Variants in CEP104 observed in about 807,000 individuals in gnomAD.
CEP104 encodes centrosomal protein of 104 kDa.
In CEP104, 84 loss-of-function variants were observed where a neutral mutation model predicts 113.3. The ratio of observed to expected loss-of-function variants is 0.74; its 90% CI spans 0.62 to 0.89. The LOEUF is 0.89. CEP104 is among the 40% of genes least tolerant of loss of function. The pLI is 0.00. For synonymous variants in CEP104, 378 were observed against 421.7 expected (o/e 0.90, Z 1.27); for missense variants, 1,053 against 1,156.6 (o/e 0.91, Z 1.30).
chr1:3,839,823 A>G, intron 6 of CEP104, 47 bp from the exon 7 acceptor site: 2 of 1,510,086 alleles, frequency 1.3e-6, no homozygotes, highest in Non-Finnish European at 1.8e-6. Flanking sequence ...ACGCCCTAGG[A>G]GTTCAGTGCT....
chr1:3,852,063 T>C (rs1644621337), intron 2 of CEP104, among the ~76,000 whole-genome samples: 1 of 152,136 alleles, frequency 6.6e-6, no homozygotes, highest in Non-Finnish European at 1.5e-5. Context: ...CTCCTCCACA[T>C]TTGCACATCT....
chr1:3,827,244 G>A (rs1367736820), intron 15 of CEP104, among the ~76,000 whole-genome samples: 1 of 152,042 alleles, frequency 6.6e-6, no homozygotes, highest in East Asian at 1.9e-4. Context: ...TTTTAGACAG[G>A]GTCTCACTCT....
At chr1:3,853,602 G>A (rs144723257) in intron 1 of CEP104, among the ~76,000 whole-genome samples, 1 of 152,200 alleles carries the variant, frequency 6.6e-6, no homozygotes, top group African/African-American at 2.4e-5. Context: ...AATTCGAAGA[G>A]GACCACTTCA....
chr1:3,818,265 A>G (rs192705357), intron 20 of CEP104, among the ~76,000 whole-genome samples: 1 of 152,304 alleles, frequency 6.6e-6, no homozygotes, highest in Admixed American at 6.5e-5. Context: ...TGCTCCCAGT[A>G]TCATGACCTT....
chr1:3,844,624 G>C (rs1376467763), intron 6 of CEP104, among the ~76,000 whole-genome samples: 1 of 140,720 alleles, frequency 7.1e-6, no homozygotes, highest in East Asian at 2.0e-4. Context: ...CTTGAACTCA[G>C]GAGGTAGAAG....
chr1:3,831,312 AAGGGAAAAAC>A (rs1644202464), intron 12 of CEP104, 90 bp from the exon 13 acceptor site: 1 of 1,157,624 alleles, frequency 8.6e-7, no homozygotes, highest in African/African-American at 1.5e-5. Context: ...CTAAACACTG[AAGGGAAAAAC>A]AGGGAAATAC....
chr1:3,837,660 G>C (rs1644340907), intron 8 of CEP104, 141 bp from the exon 9 acceptor site: 1 of 690,600 alleles, frequency 1.4e-6, no homozygotes, highest in South Asian at 2.0e-5. Flanking sequence ...CAAAACCAAA[G>C]AGAAACTTCC....
At chr1:3,846,116 T>C (rs951551961) in intron 4 of CEP104, among the ~76,000 whole-genome samples, 4 of 140,470 alleles carry the variant, frequency 2.8e-5, no homozygotes, top group Non-Finnish European at 6.2e-5. Context: ...AAAGTTCAAA[T>C]CATAATAGCT....
intron 7 of CEP104, 107 bp from the exon 8 acceptor site, chr1:3,839,226 G>C: frequency 1.0e-6 from 1 of 979,854 alleles, no homozygotes; most frequent in East Asian, 2.4e-5. Flanking sequence ...AGGAGAGGGA[G>C]TGAGCACAGG....
intron 1 of CEP104, chr1:3,855,981 C>T (rs1456583000): frequency 2.4e-5 from 24 of 981,970 alleles, no homozygotes; most frequent in Non-Finnish European, 2.9e-5. Flanking sequence ...GGTCTCATCC[C>T]TCACTACACT....
intron 3 of CEP104, chr1:3,847,822 G>T (rs1307891480): frequency 1.8e-6 from 1 of 554,820 alleles, no homozygotes; most frequent in Non-Finnish European, 3.1e-6. Context: ...ATTCTAATTA[G>T]TATTCTTCTT....
intron 1 of CEP104, chr1:3,856,021 T>A: frequency 1.2e-6 from 1 of 850,538 alleles, no homozygotes; most frequent in Non-Finnish European, 1.4e-6. Context: ...TAAAAGGCAA[T>A]TAACTATAAA....
rs1457131288 is a variant in CEP104, at chr1:3,819,890, G to A, written c.2571+3284C>T. 1.3e-5 allele frequency among the ~76,000 whole-genome samples: 2 copies of A among 152,194 alleles called. No individual in the cohort carries two copies. Among genetic ancestry groups the A allele is most frequent in the African/African-American group, 2.4e-5 (1 of 41,440 alleles). On this transcript the variant is annotated intron_variant, in intron 20 of 21. Coordinates refer to ENST00000378230, the MANE Select transcript of CEP104 (RefSeq NM_014704.4). The surrounding 1 kb of genome is among the most constrained non-coding windows in gnomAD (Gnocchi z 4.6). ...CAGCAGAGAGGCCCCCGGTGCTGAC[G>A]GTGGGGGCCTCTAGGAGTTGAGTGG... is the stretch of plus-strand genomic sequence containing the variant.
rs1644160708 is a variant in CEP104, at chr1:3,829,635, C to T, written c.2043+156G>A. ...TGGCAGAAAGTGGAGCAGCCGGGAT[C>T]TGAATGCGGGAACCTGTGTTCTTTC... On this transcript the variant is annotated intron_variant, in intron 14 of 21. Transcript: ENST00000378230. 4 of 801,888 alleles carry T rather than the reference C, an allele frequency of 5.0e-6. No individual in the cohort carries two copies. In the African/African-American group the frequency reaches 5.2e-5, roughly 10 times the overall value. 49.7% of individuals were successfully genotyped at this position (801,888 alleles called of 1,614,324 possible). A position where few individuals can be genotyped will look rare whatever the true frequency, so the allele number is the denominator to read the frequency against.
intron 6 of CEP104, chr1:3,843,123 C>T (rs529573583): frequency 4.4e-5 from 28 of 637,024 alleles, no homozygotes; most frequent in South Asian, 8.6e-5. Context: ...TTTCTCACTG[C>T]GGCAACTATG....
At chr1:3,846,679 G>C (rs577546944) in intron 4 of CEP104, among the ~76,000 whole-genome samples, 2 of 152,176 alleles carry the variant, frequency 1.3e-5, no homozygotes, top group African/African-American at 4.8e-5. Context: ...GCTTCCTGGC[G>C]TGTTATGCTG....
chr1:3,839,662 C>T lies in CEP104; in HGVS notation c.681G>A (p.Lys227=), dbSNP rs61746709. 5.6e-3 allele frequency: 8,984 copies of T among 1,614,118 alleles called. 536 individuals carry two copies. The Admixed American group carries it at 0.12, about 21-fold the overall frequency. ...LDERKREAVQ[K]ERYDYAKKLK... is the part of the protein sequence containing the mutation. ...GTTTCTTGGCATAATCATAGCGTTC[C>T]TTTTGGACAGCTTCCCGTTTTCTTT... The change falls in exon 7 of 22, where the codon AAG becomes AAA. Residue 227 remains lysine (K), a synonymous_variant. Transcript: ENST00000378230.
chr1:3,853,405 GA>G (rs35675178), intron 1 of CEP104, among the ~76,000 whole-genome samples: 31,207 of 149,110 alleles, frequency 0.21, 3,585 homozygotes, highest in Non-Finnish European at 0.25. Flanking sequence ...ATCATCGGGG[GA>G]AAAAAAAAAA....
At chr1:3,816,250 C>T (rs1218806512) in intron 21 of CEP104, 30 bp downstream of exon 21, 2 of 1,537,712 alleles carry the variant, frequency 1.3e-6, no homozygotes, top group Admixed American at 2.0e-5. Context: ...GGGATGCAGA[C>T]TACACCTGCT....
Sources: allele counts gnomAD v4.1 joint callset (sites outside exome capture counted in the v4.1 genomes callset), GRCh38; gene constraint gnomAD v4.1.1; non-coding constraint Gnocchi (gnomAD v3.1); transcripts MANE v1.5; gene names NCBI Gene and HGNC (gene_info 2026-07-23, HGNC 2026-07-21).